The following NUP205 variants were observed in gnomAD, a reference collection of about 807,000 sequenced individuals.
NUP205 encodes nucleoporin 205, also known as nuclear pore complex protein Nup205.
NUP205 carries 76 observed loss-of-function variants against 253.8 expected under a neutral mutation model. The ratio of observed to expected loss-of-function variants is 0.30; its 90% confidence interval spans 0.25 to 0.36. The LOEUF (loss-of-function observed/expected upper bound fraction) is 0.36, where lower values mean the gene tolerates loss of function less well. Among genes scored for constraint, NUP205 ranks in the 10% least tolerant of loss-of-function variants. NUP205 has a pLI of 1.00. For synonymous variants in NUP205, 832 were observed against 850.1 expected, an observed-to-expected ratio of 0.98 and a Z score of 0.37; for missense variants, 2,162 against 2,425.5, an observed-to-expected ratio of 0.89 and a Z score of 2.28.
intron 32 of NUP205, 146 bp from the exon 33 acceptor site, chr7:135,626,094 A>G: frequency 2.3e-6 from 2 of 887,166 alleles, no homozygotes; most frequent in Non-Finnish European, 3.5e-6. Flanking sequence ...CTAGGAAGAA[A>G]GCGGTATAAT....
At chr7:135,615,419 A>G (rs1164620978) in intron 23 of NUP205, among the ~76,000 whole-genome samples, 3 of 152,182 alleles carry the variant, frequency 2.0e-5, no homozygotes, top group African/African-American at 7.2e-5. Flanking sequence ...ATAAATAAAA[A>G]TAAAAACTAT....
chr7:135,635,572 A>T lies in NUP205; in HGVS notation c.5060-9A>T. On this transcript the variant is annotated splice_polypyrimidine_tract_variant and intron_variant, in intron 35 of 42. Transcript: ENST00000285968. ...AATAATATGTTTTAAAGCATTCTAC[A>T]TTTTATAGGAATATTAAGTGAACTT... is the stretch of plus-strand genomic sequence containing the variant. 6.8e-7 allele frequency: 1 copy of T among 1,475,814 alleles called. No individual in the cohort carries two copies. Among genetic ancestry groups the T allele is most frequent in the Non-Finnish European group, 9.4e-7 (1 of 1,062,926 alleles). 91.4% of individuals were successfully genotyped at this position (1,475,814 alleles called of 1,614,324 possible).
Position 135,619,803 on chromosome 7 carries a change from A to T in NUP205, c.4245A>T (p.Gln1415His). 1.9e-6 allele frequency: 3 copies of T among 1,612,234 alleles called. No homozygotes were observed. The highest frequency in any genetic ancestry group is 2.2e-5 in the South Asian group (2 of 90,370). ...DFILKTGGGF[Q>H]RVRTHLYGSL... ...TAATCTCCCTAGGTGGTGGATTCCA[A>T]CGAGTGAGGACTCACTTGTATGGCT... Residue 1415 changes from glutamine to histidine, a missense_variant, in exon 30 of 43, where the codon CAA becomes CAT. Transcript: ENST00000285968.
rs563193250 is a variant in NUP205, at chr7:135,571,411, T to TA, written c.171+179dup. ...CTGATGACATGTACCCCTAAACGCT[T>TA]AAAAAAAAAAAAAAAGACAGGGTCT... On this transcript the variant is annotated intron_variant, in intron 2 of 42. Coordinates refer to ENST00000285968, the MANE Select transcript of NUP205 (RefSeq NM_015135.3). Among the ~76,000 whole-genome samples, 1,330 of 135,506 alleles carry TA rather than the reference T, an allele frequency of 9.8e-3. 21 individuals carry two copies. Among genetic ancestry groups the TA allele is most frequent in the African/African-American group, 0.029 (1,082 of 37,032 alleles). 88.9% of individuals were successfully genotyped at this position (135,506 alleles called of 152,430 possible). A position where few individuals can be genotyped will look rare whatever the true frequency, so the allele number is the denominator to read the frequency against.
At chr7:135,599,489 A>G (rs1399890636) in intron 15 of NUP205, among the ~76,000 whole-genome samples, 1 of 152,204 alleles carries the variant, frequency 6.6e-6, no homozygotes, top group Non-Finnish European at 1.5e-5. Flanking sequence ...AACAGCAACC[A>G]TGCCTCATTA....
chr7:135,570,835 ATAT>A (rs1805972188), intron 1 of NUP205, among the ~76,000 whole-genome samples: 1 of 44,386 alleles, frequency 2.3e-5, no homozygotes, highest in African/African-American at 9.6e-5. Context: ...TATAAATTAT[ATAT>A]TATATATTAC....
chr7:135,616,828 G>T (rs1272485950), intron 25 of NUP205, 102 bp downstream of exon 25: 1 of 723,452 alleles, frequency 1.4e-6, no homozygotes. Context: ...ACTCTGAACT[G>T]GTATAGAAAA....
At chr7:135,603,345 C>T (rs1489923256) in intron 18 of NUP205, among the ~76,000 whole-genome samples, 1 of 151,802 alleles carries the variant, frequency 6.6e-6, no homozygotes, top group Non-Finnish European at 1.5e-5. Flanking sequence ...GAACTCCTGA[C>T]CTCATGATCT....
chr7:135,591,624 A>G, intron 11 of NUP205, 24 bp downstream of exon 11: 1 of 1,602,766 alleles, frequency 6.2e-7, no homozygotes, highest in Middle Eastern at 1.7e-4. Context: ...GGATGTTGTT[A>G]AAGTTTGTTG....
At chr7:135,564,462 G>A (rs1410316750) in intron 1 of NUP205, among the ~76,000 whole-genome samples, 1 of 151,816 alleles carries the variant, frequency 6.6e-6, no homozygotes, top group Non-Finnish European at 1.5e-5. Context: ...TGTTGGCCAT[G>A]CTGGTCTTGA....
intron 40 of NUP205, 49 bp from the exon 41 acceptor site, chr7:135,645,419 A>G: frequency 6.3e-7 from 1 of 1,586,098 alleles, no homozygotes; most frequent in Non-Finnish European, 8.6e-7. Flanking sequence ...ACTGGTGTGT[A>G]AAACATATTT....
intron 31 of NUP205, among the ~76,000 whole-genome samples, chr7:135,624,018 G>T (rs927344598): frequency 5.9e-5 from 9 of 152,048 alleles, no homozygotes; most frequent in African/African-American, 2.2e-4. Flanking sequence ...TCCTGACCTC[G>T]TGATCCTCCC....
At chr7:135,599,008 G>T (rs1793908845) in intron 15 of NUP205, 1 of 151,874 alleles carries the variant, frequency 6.6e-6, no homozygotes, top group Admixed American at 6.6e-5. Flanking sequence ...GCTTTATTTT[G>T]GTAGTTGGCG....
At chr7:135,585,502 A>G (rs1304691167) in intron 8 of NUP205, among the ~76,000 whole-genome samples, 1 of 152,080 alleles carries the variant, frequency 6.6e-6, no homozygotes, top group African/African-American at 2.4e-5. Flanking sequence ...ATTTTTATAC[A>G]TGATTTGGAA....
chr7:135,563,329 A>C (rs1805643721), intron 1 of NUP205, among the ~76,000 whole-genome samples: 1 of 152,074 alleles, frequency 6.6e-6, no homozygotes, highest in South Asian at 2.1e-4. Flanking sequence ...CTGGGACTAC[A>C]GGCGCATGCC....
At chr7:135,603,110 T>TA in intron 18 of NUP205, 116 bp downstream of exon 18, 7 of 655,322 alleles carry the variant, frequency 1.1e-5, no homozygotes, top group Non-Finnish European at 1.4e-5. Flanking sequence ...TGCCTCATTT[T>TA]ACTTTTTTTT....
chr7:135,566,371 A>G (rs1050994537), intron 1 of NUP205, among the ~76,000 whole-genome samples: 14 of 152,098 alleles, frequency 9.2e-5, no homozygotes, highest in Non-Finnish European at 1.8e-4. Flanking sequence ...GGTTACACGG[A>G]TGAGCCACCA....
chr7:135,594,794 A>T (rs1438849245), intron 13 of NUP205, 65 bp downstream of exon 13: 1 of 1,261,088 alleles, frequency 7.9e-7, no homozygotes, highest in Admixed American at 2.2e-5. Context: ...ATAATACCAT[A>T]GAAGCAAGAA....
chr7:135,568,691 T>A (rs1805855130), intron 1 of NUP205, among the ~76,000 whole-genome samples: 1 of 152,198 alleles, frequency 6.6e-6, no homozygotes, highest in Non-Finnish European at 1.5e-5. Flanking sequence ...TGGGTTGAAA[T>A]GTGAAATATT....
Sources: gnomAD v4.1 joint callset for allele counts (sites outside exome capture counted in the v4.1 genomes callset) on GRCh38, gnomAD v4.1.1 for gene constraint, MANE v1.5 for transcripts, NCBI Gene and HGNC (gene_info 2026-07-23, HGNC 2026-07-21) for gene names.